Variants in RGS6 observed in about 807,000 individuals in gnomAD.
RGS6 encodes the protein regulator of G protein signaling 6, also known as regulator of G-protein signaling 6.
In RGS6, 30 loss-of-function variants were observed where a neutral mutation model predicts 78.5. That is an observed-to-expected ratio of 0.38 (90% CI 0.29 to 0.52). RGS6 has a LOEUF of 0.52. RGS6 is among the 20% of genes least tolerant of loss of function. RGS6 has a pLI of 0.85. For synonymous variants in RGS6, 206 were observed against 206.0 expected (o/e 1.00, Z 0.00); for missense variants, 495 against 609.7 (o/e 0.81, Z 1.98).
At chr14:72,233,083 C>G (rs966627666) in intron 2 of RGS6, among the ~76,000 whole-genome samples, 6 of 152,142 alleles carry the variant, frequency 3.9e-5, no homozygotes, top group African/African-American at 1.4e-4. Context: ...TGAATGTATA[C>G]CAGGTGTAAC....
intron 1 of RGS6, among the ~76,000 whole-genome samples, chr14:71,962,632 T>C (rs1369249206): frequency 6.6e-6 from 1 of 152,204 alleles, no homozygotes; most frequent in Non-Finnish European, 1.5e-5. Context: ...ACTATATTCA[T>C]AGAAATCCTG....
chr14:72,277,192 A>G (rs925367792), intron 2 of RGS6, among the ~76,000 whole-genome samples: 4 of 152,350 alleles, frequency 2.6e-5, no homozygotes, highest in East Asian at 1.9e-4. Context: ...TGCATTCACA[A>G]TAGTTTAAAA....
chr14:72,258,228 A>G (rs1567597851), intron 2 of RGS6, among the ~76,000 whole-genome samples: 1 of 152,244 alleles, frequency 6.6e-6, no homozygotes, highest in Non-Finnish European at 1.5e-5. Flanking sequence ...GCTATGGTAT[A>G]CACCACTATA....
the RGS6 span, among the ~76,000 whole-genome samples, chr14:72,580,127 T>C: frequency 1.4e-4 from 21 of 152,348 alleles, no homozygotes; most frequent in Admixed American, 6.5e-4. Flanking sequence ...AATTCAGTGC[T>C]GTAAGAGTAA....
chr14:71,918,050 G>A, the RGS6 span, among the ~76,000 whole-genome samples: 3 of 151,538 alleles, frequency 2.0e-5, no homozygotes, highest in South Asian at 2.1e-4. Context: ...GCGTGGTGGC[G>A]GGCGCCTGTA....
At chr14:72,339,682 T>G (rs1198346111) in intron 2 of RGS6, among the ~76,000 whole-genome samples, 1 of 152,066 alleles carries the variant, frequency 6.6e-6, no homozygotes, top group Non-Finnish European at 1.5e-5. Context: ...CTCTGGGCAG[T>G]CAGTTACAGA....
At chr14:72,544,986 G>C (rs2097373052) in intron 17 of RGS6, among the ~76,000 whole-genome samples, 1 of 152,212 alleles carries the variant, frequency 6.6e-6, no homozygotes, top group African/African-American at 2.4e-5. Context: ...CCAGGAAGGC[G>C]GTGTTGTTTT....
At chr14:72,262,727 C>A (rs1463680354) in intron 2 of RGS6, among the ~76,000 whole-genome samples, 2 of 152,164 alleles carry the variant, frequency 1.3e-5, no homozygotes, top group Non-Finnish European at 2.9e-5. Flanking sequence ...GTGAAATTTT[C>A]TTTTCCAAAT....
intron 2 of RGS6, among the ~76,000 whole-genome samples, chr14:72,214,749 A>G (rs2045144620): frequency 6.6e-6 from 1 of 152,158 alleles, no homozygotes; most frequent in Non-Finnish European, 1.5e-5. Flanking sequence ...GCTTGAGCCC[A>G]GGAGTTTGAG....
In RGS6 at chr14:72,510,162, C is replaced by A; in HGVS notation, c.974C>A (p.Pro325His). Residue 325 changes from proline to histidine, a missense_variant, in exon 14 of 18, where the codon CCC becomes CAC. Transcript: ENST00000553525. Reference sequence around the variant, plus strand: ...CTTCCTTCACCCCAAAGCAAAGAGCCCAGCCAACAGCGAGTAAAAAGATGG... The same window carrying A: ...CTTCCTTCACCCCAAAGCAAAGAGCACAGCCAACAGCGAGTAAAAAGATGG... ...ALWDIEMSKE[P>H]SQQRVKRWGF... 6.2e-7 allele frequency: 1 copy of A among 1,607,836 alleles called. No homozygotes were observed. Among genetic ancestry groups the A allele is most frequent in the South Asian group, 1.1e-5 (1 of 89,718 alleles).
At chr14:72,560,093 C>G (rs918378375) in intron 17 of RGS6, among the ~76,000 whole-genome samples, 10 of 149,106 alleles carry the variant, frequency 6.7e-5, no homozygotes, top group Non-Finnish European at 1.2e-4. Context: ...GACTCTTATT[C>G]AGAAGCTTGA....
chr14:72,553,886 C>T (rs552518375), intron 17 of RGS6, among the ~76,000 whole-genome samples: 6 of 152,302 alleles, frequency 3.9e-5, no homozygotes, highest in Admixed American at 6.5e-5. Context: ...GCTGGGAAAC[C>T]GCCCATCCTC....
chr14:72,263,674 C>G (rs1490387160), intron 2 of RGS6, among the ~76,000 whole-genome samples: 2 of 152,292 alleles, frequency 1.3e-5, no homozygotes, highest in East Asian at 1.9e-4. Context: ...TCACCCCTTT[C>G]ACCATGTGAG....
chr14:72,104,938 A>G (rs1392376211), intron 2 of RGS6, among the ~76,000 whole-genome samples: 1 of 152,234 alleles, frequency 6.6e-6, no homozygotes, highest in Non-Finnish European at 1.5e-5. Context: ...TGGTTCCATC[A>G]TTTGTTTAGA....
chr14:72,165,921 T>G (rs561139004), intron 2 of RGS6, among the ~76,000 whole-genome samples: 1 of 152,348 alleles, frequency 6.6e-6, no homozygotes, highest in Non-Finnish European at 1.5e-5. Flanking sequence ...CTGTCATACA[T>G]TCTAGAAAAT....
chr14:72,398,054 C>A (rs371181299), intron 3 of RGS6, among the ~76,000 whole-genome samples: 7 of 152,032 alleles, frequency 4.6e-5, no homozygotes, highest in African/African-American at 1.4e-4. Flanking sequence ...ATCAGGATGA[C>A]GCTGGCCTCA....
intron 3 of RGS6, among the ~76,000 whole-genome samples, chr14:72,360,229 A>C (rs1022519120): frequency 9.2e-5 from 14 of 152,160 alleles, no homozygotes; most frequent in African/African-American, 3.4e-4. Context: ...CATAGAAAGA[A>C]GAAAGGAGGC....
At chr14:71,880,708 G>C in the RGS6 span, among the ~76,000 whole-genome samples, 3 of 152,226 alleles carry the variant, frequency 2.0e-5, no homozygotes, top group African/African-American at 7.2e-5. Context: ...GGAAATGCCT[G>C]GATGTCCAGG....
At chr14:72,334,322 G>A (rs890111403) in intron 2 of RGS6, among the ~76,000 whole-genome samples, 4 of 152,318 alleles carry the variant, frequency 2.6e-5, no homozygotes, top group East Asian at 1.9e-4. Flanking sequence ...TCCTAGCTGC[G>A]GAAAGAGCCT....
Sources: gnomAD v4.1 joint callset for allele counts (sites outside exome capture counted in the v4.1 genomes callset) on GRCh38, gnomAD v4.1.1 for gene constraint, MANE v1.5 for transcripts, NCBI Gene and HGNC (gene_info 2026-07-23, HGNC 2026-07-21) for gene names.